Variants in USP7 observed in about 807,000 individuals in gnomAD.
The protein encoded by USP7 is ubiquitin specific peptidase 7.
USP7 carries 9 observed loss-of-function variants against 162.9 expected under a neutral mutation model. The observed-to-expected ratio is 0.06, with a 90% CI of 0.03 to 0.10. The LOEUF is 0.10. USP7 is among the 10% of genes least tolerant of loss of function. The pLI, the probability that USP7 is intolerant of heterozygous loss-of-function variation, is 1.00. For missense variants in USP7, 715 were observed against 1,373.7 expected (o/e 0.52, Z 7.58); for synonymous variants, 562 against 475.9 (o/e 1.18, Z -2.35).
Position 8,909,831 on chromosome 16 carries a change from T to G in USP7, c.1161+914A>C, listed in dbSNP as rs12596001. On this transcript the variant is annotated intron_variant, in intron 11 of 30. Transcript: ENST00000344836. ...GTCCCAGCTACTTGGGAGGCTGAGG[T>G]AGAAGAATCACTTGAACCCAGGAGG... Among the ~76,000 whole-genome samples the G allele has an allele frequency of 2.4e-3, 358 of 151,934 alleles. 15 individuals carry two copies. In the South Asian group the frequency reaches 0.059, roughly 25 times the overall value.
chr16:8,938,123 C>A (rs1190187239), intron 1 of USP7, among the ~76,000 whole-genome samples: 1 of 152,050 alleles, frequency 6.6e-6, no homozygotes, highest in Non-Finnish European at 1.5e-5. Context: ...AGGCCCTAGG[C>A]AGGAAGAATG....
At position 8,947,588 on chromosome 16, in the gene USP7, TCC is replaced by T. The variant is rs1424680237; in HGVS notation, c.79+15617_79+15618del. On this transcript the variant is annotated intron_variant, in intron 1 of 30. Transcript: ENST00000344836. ...GTCTCGAACTTCCGGCCTCAAGTGA[TCC>T]ACCCGCTTCAGCCTCCCAAAATGCT... Among the ~76,000 whole-genome samples the T allele has an allele frequency of 9.2e-5, 14 of 152,286 alleles. No homozygotes were observed. The East Asian group carries it at 2.7e-3, about 29-fold the overall frequency.
At chr16:8,927,512 AATCTAGATCC>A (rs1161945934) in intron 2 of USP7, among the ~76,000 whole-genome samples, 1 of 152,126 alleles carries the variant, frequency 6.6e-6, no homozygotes, top group East Asian at 1.9e-4. Flanking sequence ...CAACATTCTA[AATCTAGATCC>A]ATCTAGATCT....
In USP7 at chr16:8,893,003, C is replaced by T. The variant is rs560281298; in HGVS notation, c.*995G>A. The T allele has an allele frequency of 2.0e-5, 3 of 152,344 alleles. No homozygotes were observed. The highest frequency in any genetic ancestry group is 7.2e-5 in the African/African-American group (3 of 41,582). 9.4% of individuals were successfully genotyped at this position (152,344 alleles called of 1,614,324 possible). On this transcript the variant is annotated 3_prime_UTR_variant, in exon 31 of 31. Transcript: ENST00000344836. ...CGGGGCTGGGACCGAAATAAAACTA[C>T]ACACAATGAATATCAACATCAGTGA...
At position 8,898,913 on chromosome 16, in the gene USP7, C is replaced by T. The variant is rs187663800; in HGVS notation, c.2531+208G>A. The stretch of plus-strand genomic sequence containing the variant: ...GATGCACTGAGGATGTATCTAAAGT[C>T]AGTCTGGCTTTGGATGAGGCTGTCA... On this transcript the variant is annotated intron_variant, in intron 23 of 30. Transcript: ENST00000344836. Among the ~76,000 whole-genome samples, 434 of 152,306 alleles carry T rather than the reference C, an allele frequency of 2.8e-3. 2 individuals carry two copies. Among genetic ancestry groups the T allele is most frequent in the Admixed American group, 3.8e-3 (58 of 15,298 alleles).
Position 8,894,113 on chromosome 16 carries a change from G to C in USP7, c.3203-9C>G. On this transcript the variant is annotated splice_polypyrimidine_tract_variant and intron_variant, in intron 30 of 30. Transcript: ENST00000344836. ...AGGATGAGACATATTACCTGGTGGG[G>C]ATGAAGAAAAGCAAGTGAGGCCACA... 6.2e-7 allele frequency: 1 copy of C among 1,613,538 alleles called. No homozygotes were observed. The highest frequency in any genetic ancestry group is 1.1e-5 in the South Asian group (1 of 91,064).
At chr16:8,916,087 C>T (rs1897352712) in intron 8 of USP7, among the ~76,000 whole-genome samples, 2 of 152,278 alleles carry the variant, frequency 1.3e-5, no homozygotes, top group African/African-American at 2.4e-5. Flanking sequence ...AGAGTAATCA[C>T]CGCATGCTGA....
At chr16:8,897,160 A>C in intron 25 of USP7, 61 bp from the exon 26 acceptor site, 1 of 1,302,756 alleles carries the variant, frequency 7.7e-7, no homozygotes, top group Non-Finnish European at 1.1e-6. Flanking sequence ...TGCTACCACA[A>C]AGGAAGAGAG....
chr16:8,904,839 G>A (rs2141179275), intron 14 of USP7, among the ~76,000 whole-genome samples: 1 of 152,176 alleles, frequency 6.6e-6, no homozygotes, highest in East Asian at 1.9e-4. Context: ...AGGCGTGGTG[G>A]CAGACGCCTG....
intron 11 of USP7, among the ~76,000 whole-genome samples, chr16:8,908,991 C>A (rs1189105433): frequency 1.3e-5 from 2 of 152,210 alleles, no homozygotes; most frequent in Non-Finnish European, 2.9e-5. Context: ...CAGGGCACGC[C>A]CTTAGGGCTT....
chr16:8,916,922 G>A (rs1897400623), intron 7 of USP7, 104 bp downstream of exon 7: 1 of 1,297,030 alleles, frequency 7.7e-7, no homozygotes, highest in East Asian at 2.6e-5. Flanking sequence ...TAAATTAAGT[G>A]CCTACAGTAT....
chr16:8,956,762 T>TA lies in USP7; in HGVS notation c.79+6444dup, dbSNP rs200123362. On this transcript the variant is annotated intron_variant, in intron 1 of 30. Coordinates refer to ENST00000344836, the MANE Select transcript of USP7 (RefSeq NM_003470.3). ...TGGGTAACGAATTAAGACTTCGTAT[T>TA]AAAAAAACAAAAACAAAAAAAAAAA... is the stretch of plus-strand genomic sequence containing the variant. 1.7e-3 allele frequency among the ~76,000 whole-genome samples: 231 copies of TA among 135,742 alleles called. 2 individuals carry two copies. Among genetic ancestry groups the TA allele is most frequent in the Middle Eastern group, 4.1e-3 (1 of 242 alleles). The allele number at this position is 135,742 out of a possible 152,430, so 89.1% of individuals were successfully genotyped here. A position where few individuals can be genotyped will look rare whatever the true frequency, so the allele number is the denominator to read the frequency against.
rs1005473397 is a variant in USP7, at chr16:8,936,750, T to C, written c.80-6353A>G. Reference sequence around the variant, plus strand: ...TTTTTAAAGCATCCCACAGAAGCCTTGTCTTTAGGACCAGAAACATTCAAG... The same window carrying C: ...TTTTTAAAGCATCCCACAGAAGCCTCGTCTTTAGGACCAGAAACATTCAAG... On this transcript the variant is annotated intron_variant, in intron 1 of 30. Coordinates refer to ENST00000344836, the MANE Select transcript of USP7 (RefSeq NM_003470.3). 2.2e-5 allele frequency: 30 copies of C among 1,352,306 alleles called. 1 individual carries two copies. The highest frequency in any genetic ancestry group is 2.7e-4 in the Middle Eastern group (1 of 3,676). The allele number at this position is 1,352,306 out of a possible 1,614,324, so 83.8% of individuals were successfully genotyped here. A position where few individuals can be genotyped will look rare whatever the true frequency, so the allele number is the denominator to read the frequency against.
intron 6 of USP7, 76 bp downstream of exon 6, chr16:8,918,955 G>A: frequency 6.9e-7 from 1 of 1,445,554 alleles, no homozygotes; most frequent in Non-Finnish European, 9.7e-7. Context: ...CATGTTTGTT[G>A]AGAGGACTTT....
chr16:8,895,350 CAA>C (rs1323620101), intron 27 of USP7, among the ~76,000 whole-genome samples, 200 bp from the exon 28 acceptor site: 1 of 152,114 alleles, frequency 6.6e-6, no homozygotes, highest in Non-Finnish European at 1.5e-5. Flanking sequence ...CCCCCTCCCC[CAA>C]AAAACTGAAT....
Position 8,899,178 on chromosome 16 carries a change from G to A in USP7, c.2474C>T (p.Thr825Ile). The change falls in exon 23 of 31, where the codon ACA becomes ATA. Residue 825 changes from threonine to isoleucine, a missense_variant. Transcript: ENST00000344836. ...NRMNYFQVAK[T>I]VAQRLNTDPM... is the part of the protein sequence containing the mutation. ...ATCTGTGTTGAGCCTCTGTGCAACT[G>A]TCTTTGCAACCTAAGACACAGAAAG... 2 of 1,614,130 alleles carry A rather than the reference G, an allele frequency of 1.2e-6. No homozygotes were observed. The highest frequency in any genetic ancestry group is 1.7e-6 in the Non-Finnish European group (2 of 1,180,034).
At chr16:8,958,960 T>C (rs1174363501) in intron 1 of USP7, among the ~76,000 whole-genome samples, 10 of 152,250 alleles carry the variant, frequency 6.6e-5, no homozygotes, top group Admixed American at 6.5e-4. Flanking sequence ...CCTTTCTGCA[T>C]AGCACCCATC....
At chr16:8,960,381 T>G (rs895086705) in intron 1 of USP7, among the ~76,000 whole-genome samples, 1 of 152,240 alleles carries the variant, frequency 6.6e-6, no homozygotes, top group South Asian at 2.1e-4. Flanking sequence ...AGAGCACTGC[T>G]GTTTTCCAAT....
intron 6 of USP7, among the ~76,000 whole-genome samples, chr16:8,918,725 C>G (rs1430830169): frequency 6.6e-6 from 1 of 152,216 alleles, no homozygotes; most frequent in Non-Finnish European, 1.5e-5. Flanking sequence ...CAGAGAATCA[C>G]TTGAACCCAG....
Sources: gnomAD v4.1 joint callset for allele counts (sites outside exome capture counted in the v4.1 genomes callset) on GRCh38, gnomAD v4.1.1 for gene constraint, MANE v1.5 for transcripts, NCBI Gene and HGNC (gene_info 2026-07-23, HGNC 2026-07-21) for gene names.